The following CREB5 variants were observed in gnomAD, a reference collection of about 807,000 sequenced individuals.
The protein encoded by CREB5 is cAMP responsive element binding protein 5, also known as cyclic AMP-responsive element-binding protein 5.
Under a neutral mutation model 57.1 loss-of-function variants are expected in CREB5, and 19 were observed. The ratio of observed to expected loss-of-function variants is 0.33; its 90% confidence interval spans 0.23 to 0.49. The LOEUF (loss-of-function observed/expected upper bound fraction) is 0.49. CREB5 is among the 20% of genes least tolerant of loss of function. The probability of loss-of-function intolerance (pLI) is 0.99; values close to 1 mark genes in which losing one functional copy is unlikely to be tolerated. For missense variants in CREB5, 579 were observed against 671.6 expected (o/e 0.86, Z 1.52); for synonymous variants, 238 against 238.3 (o/e 1.00, Z 0.01).
chr7:28,486,571 C>T (rs141633795), intron 1 of CREB5, among the ~76,000 whole-genome samples: 118 of 148,624 alleles, frequency 7.9e-4, no homozygotes, highest in African/African-American at 2.6e-3. Context: ...ACGTACAAAT[C>T]GAACTCTAAG....
Position 28,459,779 on chromosome 7 carries a change from G to A in CREB5, c.4-28396G>A, listed in dbSNP as rs143790227. On this transcript the variant is annotated intron_variant, in intron 1 of 10. Coordinates refer to ENST00000357727, the MANE Select transcript of CREB5 (RefSeq NM_182898.4). ...TGGCTCTGTCATGTTGCCCTTGTGG[G>A]GTCCTGTTTTCATTAATTAATGTTT... Among the ~76,000 whole-genome samples, 21 of 152,184 alleles carry A rather than the reference G, an allele frequency of 1.4e-4. No individual in the cohort carries two copies. In the East Asian group the frequency reaches 2.1e-3, roughly 15 times the overall value.
chr7:28,499,106 A>C (rs1792172741), intron 3 of CREB5, among the ~76,000 whole-genome samples: 2 of 149,510 alleles, frequency 1.3e-5, no homozygotes, highest in Non-Finnish European at 3.0e-5. Flanking sequence ...GGAACCTAGG[A>C]ATTTCCAAAT....
intron 4 of CREB5, among the ~76,000 whole-genome samples, chr7:28,520,729 T>C (rs1388775027): frequency 1.3e-5 from 2 of 152,230 alleles, no homozygotes; most frequent in East Asian, 3.9e-4. Flanking sequence ...CACTTTGTGA[T>C]TGCACACAAA....
Position 28,825,605 on chromosome 7 carries a change from T to C in CREB5, c.*6326T>C, listed in dbSNP as rs1810016438. The C allele has an allele frequency of 2.0e-5, 3 of 152,640 alleles. No homozygotes were observed. Among genetic ancestry groups the C allele is most frequent in the African/African-American group, 7.2e-5 (3 of 41,450 alleles). The allele number at this position is 152,640 out of a possible 1,614,324, so 9.5% of individuals were successfully genotyped here. ...ATTTGTAAACAGCAAAGCATTTGTG[T>C]TTGTTTGTCTATTTGTAAAGCAACC... On this transcript the variant is annotated 3_prime_UTR_variant, in exon 11 of 11. Coordinates refer to ENST00000357727, the MANE Select transcript of CREB5 (RefSeq NM_182898.4).
intron 1 of CREB5, among the ~76,000 whole-genome samples, chr7:28,428,238 G>A (rs1341701125): frequency 6.6e-6 from 1 of 152,206 alleles, no homozygotes; most frequent in African/African-American, 2.4e-5. Context: ...GGGAAGCAGT[G>A]GGAGCTGCTG....
chr7:28,591,153 C>A (rs1341903817), intron 5 of CREB5, among the ~76,000 whole-genome samples: 1 of 152,210 alleles, frequency 6.6e-6, no homozygotes, highest in Non-Finnish European at 1.5e-5. Flanking sequence ...ATGTCTCTAT[C>A]TTGTGTCCCT....
In CREB5 at chr7:28,443,323, T is replaced by A. The variant is rs1789285195; in HGVS notation, c.3+30406T>A. Among the ~76,000 whole-genome samples, 7 of 152,318 alleles carry A rather than the reference T, an allele frequency of 4.6e-5. No individual in the cohort carries two copies. The South Asian group carries it at 1.5e-3, about 32-fold the overall frequency. On this transcript the variant is annotated intron_variant, in intron 1 of 10. Coordinates refer to ENST00000357727, the MANE Select transcript of CREB5 (RefSeq NM_182898.4). ...CTCTGGGCTTAGAAATCTCATTCTC[T>A]TTTAATGTTGGGGGAAGCAGCCTTG...
chr7:28,785,608 C>T (rs1449382877), intron 7 of CREB5, among the ~76,000 whole-genome samples: 2 of 152,208 alleles, frequency 1.3e-5, no homozygotes, highest in East Asian at 1.9e-4. Context: ...CTTGAGACCA[C>T]ACTCCTTGTT....
chr7:28,460,316 T>C (rs1483893417), intron 1 of CREB5, among the ~76,000 whole-genome samples: 2 of 152,208 alleles, frequency 1.3e-5, no homozygotes, highest in Non-Finnish European at 2.9e-5. Flanking sequence ...AGACATACCA[T>C]ATCTAATTGC....
At chr7:28,606,309 T>A (rs1370955031) in intron 5 of CREB5, among the ~76,000 whole-genome samples, 4 of 151,916 alleles carry the variant, frequency 2.6e-5, no homozygotes, top group African/African-American at 9.7e-5. Context: ...GAATTATTAA[T>A]TTTTTACTTT....
intron 5 of CREB5, among the ~76,000 whole-genome samples, chr7:28,613,650 C>T (rs1312585453): frequency 6.6e-6 from 1 of 152,158 alleles, no homozygotes; most frequent in Admixed American, 6.5e-5. Flanking sequence ...CCCTGTGTCT[C>T]GTTTGAAAAT....
intron 4 of CREB5, among the ~76,000 whole-genome samples, chr7:28,547,057 C>T (rs1279032493): frequency 6.6e-6 from 1 of 152,188 alleles, no homozygotes; most frequent in Admixed American, 6.5e-5. Context: ...TGATTGGTAA[C>T]TTTAAATAAT....
At chr7:28,620,687 T>G (rs1797760064) in intron 5 of CREB5, among the ~76,000 whole-genome samples, 1 of 152,112 alleles carries the variant, frequency 6.6e-6, no homozygotes, top group Non-Finnish European at 1.5e-5. Flanking sequence ...CTCATTGACA[T>G]CCAGAGCCGC....
chr7:28,335,857 T>C (rs1054270548), intron 1 of CREB5, among the ~76,000 whole-genome samples: 5 of 152,146 alleles, frequency 3.3e-5, no homozygotes, highest in African/African-American at 1.2e-4. Context: ...ATGGCTTTTA[T>C]TATGTTATGT....
At chr7:28,525,171 G>A (rs765283819) in intron 4 of CREB5, among the ~76,000 whole-genome samples, 1 of 151,998 alleles carries the variant, frequency 6.6e-6, no homozygotes, top group Non-Finnish European at 1.5e-5. Flanking sequence ...CTTTTTTAGG[G>A]CCCAGTAGTA....
intron 1 of CREB5, among the ~76,000 whole-genome samples, chr7:28,444,220 C>A (rs769787691): frequency 2.0e-5 from 3 of 152,030 alleles, no homozygotes; most frequent in Non-Finnish European, 4.4e-5. Flanking sequence ...TGCCATGTGC[C>A]TGAATTGATC....
intron 1 of CREB5, among the ~76,000 whole-genome samples, chr7:28,427,600 C>T (rs777122135): frequency 3.3e-5 from 5 of 151,876 alleles, no homozygotes; most frequent in Non-Finnish European, 2.9e-5. Flanking sequence ...TCTGCCCTTC[C>T]TCCTCTCAAC....
At chr7:28,567,552 G>T (rs190087415) in intron 4 of CREB5, among the ~76,000 whole-genome samples, 223 of 152,328 alleles carry the variant, frequency 1.5e-3, no homozygotes, top group African/African-American at 4.9e-3. Flanking sequence ...CCGTCTAGGG[G>T]AGAAACAGCT....
rs773018371 is a variant in CREB5 at position 28,804,311 on chromosome 7, A to G, written c.815A>G (p.His272Arg). 6.2e-7 allele frequency: 1 copy of G among 1,613,942 alleles called. No individual in the cohort carries two copies. The highest frequency in any genetic ancestry group is 1.1e-5 in the South Asian group (1 of 91,066). ...MGSRQDQTPHHHMHSHPHQHQ... is the reference protein window; with the variant it reads ...MGSRQDQTPHRHMHSHPHQHQ... The stretch of plus-strand genomic sequence containing the variant: ...TCCCGGCAGGACCAGACGCCACACC[A>G]TCACATGCACTCGCACCCGCATCAG... The change falls in exon 8 of 11, where the codon CAT becomes CGT. Residue 272 changes from histidine (H) to arginine (R), a missense_variant. His to Arg is a conservative substitution (Grantham distance 29, BLOSUM62 0). This residue lies in a region of CREB5 where 459 missense variants were observed against 515.7 expected (regional missense o/e 0.89). Transcript: ENST00000357727.
Sources: allele counts gnomAD v4.1 joint callset (sites outside exome capture counted in the v4.1 genomes callset), GRCh38; gene constraint gnomAD v4.1.1; regional missense constraint gnomAD v4.1.1; transcripts MANE v1.5; gene names NCBI Gene and HGNC (gene_info 2026-07-23, HGNC 2026-07-21).